ZSCAN25: variants seen among roughly 807,000 people sequenced by gnomAD.
The protein encoded by ZSCAN25 is zinc finger and SCAN domain containing 25, also known as zinc finger and SCAN domain-containing protein 25.
In ZSCAN25, 27 loss-of-function variants were observed where a neutral mutation model predicts 38.7. The ratio of observed to expected loss-of-function variants is 0.70; its 90% CI spans 0.51 to 0.96. The LOEUF (loss-of-function observed/expected upper bound fraction) is 0.96, where lower values mean the gene tolerates loss of function less well. ZSCAN25 is among the 40% of genes least tolerant of loss of function. ZSCAN25 has a pLI of 0.00. For synonymous variants in ZSCAN25, 273 were observed against 277.7 expected (o/e 0.98, Z 0.17); for missense variants, 637 against 705.9 (o/e 0.90, Z 1.11).
rs1026263318 is a variant in ZSCAN25, at chr7:99,629,591, C to T, written c.1206C>T (p.Pro402=). The part of the protein sequence containing the change: ...KHQRTHLGKR[P]YVCSECWKTF... Reference sequence around the variant, plus strand: ...AGAGAACCCACCTGGGAAAGAGGCCCTACGTGTGCAGCGAGTGCTGGAAAA... The same window carrying T: ...AGAGAACCCACCTGGGAAAGAGGCCTTACGTGTGCAGCGAGTGCTGGAAAA... The change falls in exon 8 of 8, where the codon CCC becomes CCT. Residue 402 remains proline, a synonymous_variant. Coordinates refer to ENST00000394152, the MANE Select transcript of ZSCAN25 (RefSeq NM_145115.3). This position sits in a 1 kb window ranked among gnomAD's most constrained non-coding sequence, Gnocchi z 5.6. 4.3e-6 allele frequency: 7 copies of T among 1,614,044 alleles called. No homozygotes were observed. The highest frequency in any genetic ancestry group is 5.9e-6 in the Non-Finnish European group (7 of 1,180,038).
the ZSCAN25 span, among the ~76,000 whole-genome samples, chr7:99,675,665 T>A: frequency 1.1e-4 from 3 of 28,522 alleles, no homozygotes; most frequent in East Asian, 1.2e-3. Context: ...TCCCCTCCCC[T>A]CCCCTCTCCT....
chr7:99,734,708 G>A, the ZSCAN25 span, among the ~76,000 whole-genome samples: 2 of 148,702 alleles, frequency 1.3e-5, no homozygotes, highest in Middle Eastern at 3.5e-3. Flanking sequence ...TGCAACCTCC[G>A]CCTCCCAGGT....
the ZSCAN25 span, chr7:99,672,495 C>A: frequency 8.3e-7 from 1 of 1,202,510 alleles, no homozygotes; most frequent in East Asian, 2.3e-5. Flanking sequence ...TTTTAGGTAA[C>A]CTTCTGTGAA....
chr7:99,638,698 G>A, the ZSCAN25 span: 16 of 1,401,738 alleles, frequency 1.1e-5, no homozygotes, highest in Middle Eastern at 1.8e-4. Flanking sequence ...CTTGCCGGCC[G>A]CATCCAGGCG....
At chr7:99,690,164 A>G in the ZSCAN25 span, among the ~76,000 whole-genome samples, 1 of 152,252 alleles carries the variant, frequency 6.6e-6, no homozygotes, top group African/African-American at 2.4e-5. Flanking sequence ...CAACCATCTG[A>G]TCTTTGACAA....
the ZSCAN25 span, chr7:99,648,110 C>T: frequency 8.2e-7 from 1 of 1,223,316 alleles, no homozygotes; most frequent in Admixed American, 3.9e-5. Context: ...CTGGTCACCT[C>T]CTTTATACTA....
chr7:99,631,979 T>A lies in ZSCAN25; in HGVS notation c.*1959T>A. ...GGAGGCTTCTGGCCTGAGTGTGGCC[T>A]TCCCCAGAGGGTGGTTTTCCAAAGG... is the stretch of plus-strand genomic sequence containing the variant. On this transcript the variant is annotated 3_prime_UTR_variant, in exon 8 of 8. Transcript: ENST00000394152. 1.0e-6 allele frequency: 1 copy of A among 985,460 alleles called. No individual in the cohort carries two copies. Among genetic ancestry groups the A allele is most frequent in the African/African-American group, 1.7e-5 (1 of 57,354 alleles). 61.0% of individuals were successfully genotyped at this position (985,460 alleles called of 1,614,324 possible).
chr7:99,735,426 T>C, the ZSCAN25 span, among the ~76,000 whole-genome samples: 1 of 152,132 alleles, frequency 6.6e-6, no homozygotes, highest in African/African-American at 2.4e-5. Context: ...GGGTTCTGGG[T>C]TCTTATCACA....
chr7:99,701,199 C>T, the ZSCAN25 span, among the ~76,000 whole-genome samples: 2 of 152,306 alleles, frequency 1.3e-5, no homozygotes, highest in South Asian at 4.1e-4. Flanking sequence ...TGAGAACATG[C>T]AATGTCTGTC....
chr7:99,713,598 A>C, the ZSCAN25 span: 1 of 1,609,734 alleles, frequency 6.2e-7, no homozygotes, highest in African/African-American at 1.3e-5. Flanking sequence ...AGTTAATCAG[A>C]AGTGCAGTCC....
the ZSCAN25 span, chr7:99,714,784 A>T: frequency 6.5e-7 from 1 of 1,544,212 alleles, no homozygotes; most frequent in Non-Finnish European, 8.7e-7. Context: ...AGTGAAATAC[A>T]TCAGTGTTCT....
rs776764079 is a variant in ZSCAN25, at chr7:99,619,731, G to A, written c.125G>A (p.Arg42Gln). ...GAGGACCCTAGTCCAGAGACTTTTC[G>A]GCTGAGGTTTCGGCAGTTCCGCTAC... ...GREDPSPETF[R>Q]LRFRQFRYQE... The change falls in exon 4 of 8, where the codon CGG (arginine) becomes CAG (glutamine). Residue 42 changes from arginine to glutamine, a missense_variant. Coordinates refer to ENST00000394152, the MANE Select transcript of ZSCAN25 (RefSeq NM_145115.3). 6 of 1,614,260 alleles carry A rather than the reference G, an allele frequency of 3.7e-6. No homozygotes were observed. The Admixed American group carries it at 5.0e-5, about 13-fold the overall frequency.
At chr7:99,663,309 G>C in the ZSCAN25 span, 17 of 993,866 alleles carry the variant, frequency 1.7e-5, no homozygotes, top group Non-Finnish European at 1.9e-5. Context: ...CAGCTTTTTT[G>C]GGGGAGCATT....
chr7:99,737,755 T>C, the ZSCAN25 span, among the ~76,000 whole-genome samples: 1 of 152,234 alleles, frequency 6.6e-6, no homozygotes, highest in Non-Finnish European at 1.5e-5. Context: ...GGTTGGAATC[T>C]ATACCAACAG....
the ZSCAN25 span, chr7:99,695,636 G>A: frequency 1.1e-6 from 1 of 898,882 alleles, no homozygotes; most frequent in African/African-American, 1.7e-5. Context: ...CACTGTTTCT[G>A]AAAGTGTAAA....
In ZSCAN25 at chr7:99,621,557, G is replaced by T; in HGVS notation, c.572G>T (p.Arg191Leu). 6.8e-7 allele frequency: 1 copy of T among 1,474,664 alleles called. No individual in the cohort carries two copies. Among genetic ancestry groups the T allele is most frequent in the Admixed American group, 2.1e-5 (1 of 48,546 alleles). 91.3% of individuals were successfully genotyped at this position (1,474,664 alleles called of 1,614,324 possible). The change falls in exon 5 of 8, where the codon CGG becomes CTG. Residue 191 changes from arginine to leucine, a missense_variant. Coordinates refer to ENST00000394152, the MANE Select transcript of ZSCAN25 (RefSeq NM_145115.3). The stretch of plus-strand genomic sequence containing the variant: ...AGTCAGGACCCTGGAGATGAGACAC[G>T]GGCCTTCCAGGAGCAAGGTGAGTAA... ...QLSQDPGDET[R>L]AFQEQALPVL... is the part of the protein sequence containing the mutation.
At position 99,629,166 on chromosome 7, in the gene ZSCAN25, A is replaced by T; in HGVS notation, c.806-25A>T. On this transcript the variant is annotated intron_variant, in intron 7 of 7. Transcript: ENST00000394152. This position sits in a 1 kb window ranked among gnomAD's most constrained non-coding sequence, Gnocchi z 5.6. The stretch of plus-strand genomic sequence containing the variant: ...ATGTCCTGCGGCTACCACAGAATCA[A>T]TCTTTATCTCCTCCTGTCCTGTAGG... 6.4e-7 allele frequency: 1 copy of T among 1,570,362 alleles called. No individual in the cohort carries two copies. Among genetic ancestry groups the T allele is most frequent in the Non-Finnish European group, 8.6e-7 (1 of 1,160,348 alleles).
the ZSCAN25 span, among the ~76,000 whole-genome samples, chr7:99,655,150 G>A: frequency 1.6e-4 from 25 of 152,136 alleles, no homozygotes; most frequent in African/African-American, 5.8e-4. Context: ...TGAAGTCCTT[G>A]CCCATGCCTC....
chr7:99,719,155 G>A, the ZSCAN25 span, among the ~76,000 whole-genome samples: 4 of 152,136 alleles, frequency 2.6e-5, no homozygotes, highest in Non-Finnish European at 5.9e-5. Flanking sequence ...GACTCATTCT[G>A]AATTTTTATG....
Sources: allele counts gnomAD v4.1 joint callset (sites outside exome capture counted in the v4.1 genomes callset), GRCh38; gene constraint gnomAD v4.1.1; non-coding constraint Gnocchi (gnomAD v3.1); transcripts MANE v1.5; gene names NCBI Gene and HGNC (gene_info 2026-07-23, HGNC 2026-07-21).